OR2T11: variants seen among roughly 807,000 people sequenced by gnomAD.
The protein encoded by OR2T11 is olfactory receptor 2T11.
Under a neutral mutation model 13.5 loss-of-function variants are expected in OR2T11, and 14 were observed. That is an observed-to-expected ratio of 1.04 (90% CI 0.69 to 1.62). The LOEUF (loss-of-function observed/expected upper bound fraction) is 1.62, where lower values mean the gene tolerates loss of function less well. OR2T11 is among the 40% of genes most tolerant of loss of function. The probability of loss-of-function intolerance (pLI) is 0.00; values close to 1 mark genes in which losing one functional copy is unlikely to be tolerated. For missense variants in OR2T11, 410 were observed against 389.7 expected (o/e 1.05, Z -0.44); for synonymous variants, 163 against 154.6 (o/e 1.05, Z -0.40).
At chr1:248,631,532 G>A (rs56197938) in intron 1 of OR2T11, among the ~76,000 whole-genome samples, 2,425 of 142,864 alleles carry the variant, frequency 0.017, 512 homozygotes, top group African/African-American at 0.064. Flanking sequence ...CATCACTTCC[G>A]TTTACAACCA....
rs1352737461 is a variant in OR2T11, at chr1:248,629,852, C to G, written c.-144-2580G>C. 1.4e-5 allele frequency among the ~76,000 whole-genome samples: 2 copies of G among 141,536 alleles called. 1 individual carries two copies. The highest frequency in any genetic ancestry group is 3.0e-5 in the Non-Finnish European group (2 of 65,886). 92.9% of individuals were successfully genotyped at this position (141,536 alleles called of 152,430 possible). ...TCCTCCTCCAACCGTGCAAGGCCAT[C>G]CATCCCCTCATGTACTTCAGGGCTT... On this transcript the variant is annotated intron_variant, in intron 1 of 1. Transcript: ENST00000641193.
chr1:248,633,440 A>C (rs1295969886), intron 1 of OR2T11, among the ~76,000 whole-genome samples: 1 of 132,416 alleles, frequency 7.6e-6, no homozygotes, highest in African/African-American at 3.1e-5. Flanking sequence ...AGAAATAATC[A>C]AAAAAGGTAA....
At position 248,630,953 on chromosome 1, in the gene OR2T11, G is replaced by A. The variant is rs559325657; in HGVS notation, c.-144-3681C>T. Among the ~76,000 whole-genome samples, 197 of 143,296 alleles carry A rather than the reference G, an allele frequency of 1.4e-3. 23 individuals are homozygous for A. Among genetic ancestry groups the A allele is most frequent in the Non-Finnish European group, 2.4e-3 (156 of 66,214 alleles). 94.0% of individuals were successfully genotyped at this position (143,296 alleles called of 152,430 possible). ...GAGAGGAGGAAGGAGAGTCAGAGAC[G>A]TGATATGAAAACAGGTCGGAGGGAC... On this transcript the variant is annotated intron_variant, in intron 1 of 1. Coordinates refer to ENST00000641193, the MANE Select transcript of OR2T11 (RefSeq NM_001001964.2).
rs1271167840 is a variant in OR2T11 at position 248,624,261 on chromosome 1, C to T, written c.*1917G>A. 1.4e-5 allele frequency: 2 copies of T among 143,192 alleles called. No individual in the cohort carries two copies. The highest frequency in any genetic ancestry group is 3.0e-5 in the Non-Finnish European group (2 of 66,314). 8.9% of individuals were successfully genotyped at this position (143,192 alleles called of 1,614,324 possible). A position where few individuals can be genotyped will look rare whatever the true frequency, so the allele number is the denominator to read the frequency against. On this transcript the variant is annotated 3_prime_UTR_variant, in exon 2 of 2. Transcript: ENST00000641193. ...ACATGACAGCACCATTAACATCAAACACATTGGTATCACGTTTTTCTAGTT... is the reference window on the plus strand; with the variant it reads ...ACATGACAGCACCATTAACATCAAATACATTGGTATCACGTTTTTCTAGTT...
At chr1:248,629,893 T>A (rs1660580558) in intron 1 of OR2T11, among the ~76,000 whole-genome samples, 1 of 141,742 alleles carries the variant, frequency 7.1e-6, no homozygotes, top group Non-Finnish European at 1.5e-5. Context: ...AAAAGCCACC[T>A]GCTCAGAGGT....
Position 248,625,337 on chromosome 1 carries a change from G to A in OR2T11, c.*841C>T. On this transcript the variant is annotated 3_prime_UTR_variant, in exon 2 of 2. Coordinates refer to ENST00000641193, the MANE Select transcript of OR2T11 (RefSeq NM_001001964.2). ...ATAGTGATGCTTTAAAAACGTGTCT[G>A]TTATCATGTAACACCCGCATGGAAA... The A allele has an allele frequency of 7.0e-6, 1 of 143,620 alleles. No homozygotes were observed. The highest frequency in any genetic ancestry group is 2.0e-4 in the East Asian group (1 of 5,002). The allele number at this position is 143,620 out of a possible 1,614,324, so 8.9% of individuals were successfully genotyped here.
rs1202606290 is a variant in OR2T11, at chr1:248,625,335, C to T, written c.*843G>A. The T allele has an allele frequency of 1.4e-5, 2 of 143,738 alleles. No individual in the cohort carries two copies. Among genetic ancestry groups the T allele is most frequent in the African/African-American group, 2.7e-5 (1 of 36,484 alleles). 8.9% of individuals were successfully genotyped at this position (143,738 alleles called of 1,614,324 possible). ...GCATAGTGATGCTTTAAAAACGTGT[C>T]TGTTATCATGTAACACCCGCATGGA... On this transcript the variant is annotated 3_prime_UTR_variant, in exon 2 of 2. Transcript: ENST00000641193.
intron 1 of OR2T11, among the ~76,000 whole-genome samples, chr1:248,632,062 A>C (rs973945821): frequency 2.8e-5 from 4 of 144,176 alleles, no homozygotes; most frequent in African/African-American, 8.1e-5. Context: ...TCTCAATTAC[A>C]TTGATCTTTA....
In OR2T11 at chr1:248,626,464, A is replaced by G. The variant is rs1231655157; in HGVS notation, c.665T>C (p.Ile222Thr). ...STSYSLILLTIHRMPSAEGRK... is the reference protein window; with the variant it reads ...STSYSLILLTTHRMPSAEGRK... ...ACCTTCAGCAGAGGGCATGCGGTGG[A>G]TGGTTAACAAGATGAGGGAGTAGGA... Residue 222 changes from isoleucine to threonine, a missense_variant, in exon 2 of 2, where the codon ATC becomes ACC. Transcript: ENST00000641193. 6.4e-7 allele frequency: 1 copy of G among 1,572,736 alleles called. No individual in the cohort carries two copies. Among genetic ancestry groups the G allele is most frequent in the Admixed American group, 1.7e-5 (1 of 58,360 alleles).
Position 248,625,896 on chromosome 1 carries a change from A to G in OR2T11, c.*282T>C, listed in dbSNP as rs1401117346. 7.0e-5 allele frequency: 18 copies of G among 256,280 alleles called. 3 individuals carry two copies. Among genetic ancestry groups the G allele is most frequent in the Non-Finnish European group, 4.3e-5 (6 of 138,086 alleles). The allele number at this position is 256,280 out of a possible 1,614,324, so 15.9% of individuals were successfully genotyped here. On this transcript the variant is annotated 3_prime_UTR_variant, in exon 2 of 2. Coordinates refer to ENST00000641193, the MANE Select transcript of OR2T11 (RefSeq NM_001001964.2). Reference sequence around the variant, plus strand: ...TGAAGGAGATCTAGTTCAGAGTGAAAGGTTGCTGTGAACTCTAATATTTGG... The same window carrying G: ...TGAAGGAGATCTAGTTCAGAGTGAAGGGTTGCTGTGAACTCTAATATTTGG...
In OR2T11 at chr1:248,623,665, C is replaced by CT. The variant is rs1660474012; in HGVS notation, c.*2512dup. ...CTTGGAAAAGCATAAATATGACACA[C>CT]TTTATTCACAAAGGAATAAGTTTGT... On this transcript the variant is annotated 3_prime_UTR_variant, in exon 2 of 2. Transcript: ENST00000641193. 1 of 142,856 alleles carries CT rather than the reference C, an allele frequency of 7.0e-6. No individual in the cohort carries two copies. The highest frequency in any genetic ancestry group is 1.5e-5 in the Non-Finnish European group (1 of 66,204). The allele number at this position is 142,856 out of a possible 1,614,324, so 8.8% of individuals were successfully genotyped here. A position where few individuals can be genotyped will look rare whatever the true frequency, so the allele number is the denominator to read the frequency against.
rs1412118322 is a variant in OR2T11, at chr1:248,630,112, TA to T, written c.-144-2841del. On this transcript the variant is annotated intron_variant, in intron 1 of 1. Transcript: ENST00000641193. The stretch of plus-strand genomic sequence containing the variant: ...ACATTCAGCTAGCAAAAATGCAAAT[TA>T]TTTTATGCTTTTTAAGGAATACCTC... Among the ~76,000 whole-genome samples, 15 of 13,550 alleles carry T rather than the reference TA, an allele frequency of 1.1e-3. 2 individuals are homozygous for T. The East Asian group carries it at 0.029, about 27-fold the overall frequency. The allele number at this position is 13,550 out of a possible 152,430, so 8.9% of individuals were successfully genotyped here. A position where few individuals can be genotyped will look rare whatever the true frequency, so the allele number is the denominator to read the frequency against.
chr1:248,631,652 G>T (rs1392392480), intron 1 of OR2T11, among the ~76,000 whole-genome samples: 1 of 143,502 alleles, frequency 7.0e-6, no homozygotes, highest in Non-Finnish European at 1.5e-5. Context: ...ACAACATGAA[G>T]TTAATAATTT....
chr1:248,634,214 A>G (rs1202784996), intron 1 of OR2T11, among the ~76,000 whole-genome samples: 2 of 126,728 alleles, frequency 1.6e-5, no homozygotes, highest in African/African-American at 6.5e-5. Flanking sequence ...TATGTTAGGA[A>G]AAGTTTTAAG....
Position 248,626,465 on chromosome 1 carries a change from T to C in OR2T11, c.664A>G (p.Ile222Val), listed in dbSNP as rs1229444073. The C allele has an allele frequency of 6.4e-7, 1 of 1,572,390 alleles. No homozygotes were observed. Among genetic ancestry groups the C allele is most frequent in the East Asian group, 2.3e-5 (1 of 43,692 alleles). Residue 222 changes from isoleucine to valine, a missense_variant, in exon 2 of 2, where the codon ATC becomes GTC. Physicochemically the swap from Ile to Val is conservative, Grantham distance 29. Transcript: ENST00000641193. The stretch of plus-strand genomic sequence containing the variant: ...CCTTCAGCAGAGGGCATGCGGTGGA[T>C]GGTTAACAAGATGAGGGAGTAGGAA... ...STSYSLILLT[I>V]HRMPSAEGRK...
chr1:248,631,742 C>T lies in OR2T11; in HGVS notation c.-145+3296G>A, dbSNP rs374318787. Among the ~76,000 whole-genome samples the T allele has an allele frequency of 7.7e-5, 11 of 143,102 alleles. 2 individuals carry two copies. The highest frequency in any genetic ancestry group is 2.8e-4 in the African/African-American group (10 of 36,150). The allele number at this position is 143,102 out of a possible 152,430, so 93.9% of individuals were successfully genotyped here. On this transcript the variant is annotated intron_variant, in intron 1 of 1. Coordinates refer to ENST00000641193, the MANE Select transcript of OR2T11 (RefSeq NM_001001964.2). ...CTGCCTGCAGGTGTCTGGCTTTATA[C>T]TGAGGTACATAAAAAAAATCTCATC...
chr1:248,633,587 C>A (rs1660643099), intron 1 of OR2T11, among the ~76,000 whole-genome samples: 1 of 138,758 alleles, frequency 7.2e-6, no homozygotes, highest in Non-Finnish European at 1.5e-5. Context: ...CAGTTCTCTT[C>A]ATTAAAACTT....
rs1163489922 is a variant in OR2T11 at position 248,634,631 on chromosome 1, A to G, written c.-145+407T>C. Among the ~76,000 whole-genome samples, 3 of 139,452 alleles carry G rather than the reference A, an allele frequency of 2.2e-5. 1 individual carries two copies. The highest frequency in any genetic ancestry group is 3.1e-5 in the Non-Finnish European group (2 of 65,056). 91.5% of individuals were successfully genotyped at this position (139,452 alleles called of 152,430 possible). ...ACCTATCGATGCCATAAAGTTGTCT[A>G]TGAATACAATTGCTTTATGTATGGA... On this transcript the variant is annotated intron_variant, in intron 1 of 1. Transcript: ENST00000641193.
chr1:248,626,619 A>G lies in OR2T11; in HGVS notation c.510T>C (p.Ser170=). The change falls in exon 2 of 2, where the codon AGT becomes AGC. Residue 170 remains serine (S), a synonymous_variant. Coordinates refer to ENST00000641193, the MANE Select transcript of OR2T11 (RefSeq NM_001001964.2). ...GGATCTCACAGAAAAAATGGTTGAT[A>G]CTTCGGGAGCCACAGTAAGGGACAT... is the stretch of plus-strand genomic sequence containing the variant. ...TMNVPYCGSR[S]INHFFCEIPA... 1 of 1,573,294 alleles carries G rather than the reference A, an allele frequency of 6.4e-7. No homozygotes were observed. The highest frequency in any genetic ancestry group is 1.5e-5 in the African/African-American group (1 of 67,074).
Sources: gnomAD v4.1 joint callset for allele counts (sites outside exome capture counted in the v4.1 genomes callset) on GRCh38, gnomAD v4.1.1 for gene constraint, MANE v1.5 for transcripts, NCBI Gene and HGNC (gene_info 2026-07-23, HGNC 2026-07-21) for gene names.